Variants in MAB21L4 observed in about 807,000 individuals in gnomAD.
MAB21L4 encodes the protein protein mab-21-like 4.
In MAB21L4, 25 loss-of-function variants were observed where a neutral mutation model predicts 32.4. That is an observed-to-expected ratio of 0.77 (90% CI 0.56 to 1.08). The LOEUF (loss-of-function observed/expected upper bound fraction) is 1.08, where lower values mean the gene tolerates loss of function less well. Among genes scored for constraint, MAB21L4 ranks in the 50% least tolerant of loss-of-function variants. The probability of loss-of-function intolerance (pLI) is 0.00; values close to 1 mark genes in which losing one functional copy is unlikely to be tolerated. For synonymous variants in MAB21L4, 280 were observed against 276.8 expected (o/e 1.01, Z -0.11); for missense variants, 638 against 611.0 (o/e 1.04, Z -0.47).
At chr2:240,896,321 C>T (rs149861226), upstream of MAB21L4, among the ~76,000 whole-genome samples, 184 of 152,336 alleles carry the variant, frequency 1.2e-3, no homozygotes, top group Non-Finnish European at 2.2e-3. Flanking sequence ...AGGCCCAAGG[C>T]ACGGCCCCTG....
In MAB21L4 at chr2:240,887,585, C is replaced by T. The variant is rs576062861; in HGVS notation, c.1252-423G>A. ...AGGAGGCCATCAGCATCTCAACAGG[C>T]GGAAGTTTGCTAAATTAGGATAGGA... is the stretch of plus-strand genomic sequence containing the variant. On this transcript the variant is annotated intron_variant, in intron 4 of 4. Coordinates refer to ENST00000388934, the MANE Select transcript of MAB21L4 (RefSeq NM_001085437.3). Among the ~76,000 whole-genome samples, 92 of 152,342 alleles carry T rather than the reference C, an allele frequency of 6.0e-4. No individual in the cohort carries two copies. In the South Asian group the frequency reaches 0.011, roughly 19 times the overall value.
intron 1 of MAB21L4, 133 bp from the exon 2 acceptor site, chr2:240,891,896 C>T: frequency 1.9e-6 from 3 of 1,575,926 alleles, no homozygotes; most frequent in East Asian, 2.3e-5. Flanking sequence ...TGCTGGCCCC[C>T]ACCTGCAGGC....
intron 1 of MAB21L4, among the ~76,000 whole-genome samples, chr2:240,892,541 C>T (rs1007177000): frequency 3.3e-5 from 5 of 152,158 alleles, no homozygotes; most frequent in African/African-American, 1.2e-4. Flanking sequence ...GCGGCAGCTG[C>T]CAGTAGTGGA....
chr2:240,889,773 G>T (rs1220881884), intron 3 of MAB21L4, among the ~76,000 whole-genome samples: 1 of 152,216 alleles, frequency 6.6e-6, no homozygotes, highest in Admixed American at 6.5e-5. Context: ...ACGGCCTAGG[G>T]ATGGCGAAGG....
At chr2:240,893,374 C>T (rs1219341184) in intron 1 of MAB21L4, among the ~76,000 whole-genome samples, 1 of 152,226 alleles carries the variant, frequency 6.6e-6, no homozygotes, top group African/African-American at 2.4e-5. Context: ...CCCACAGGGG[C>T]CTCAGTTCCC....
intron 4 of MAB21L4, 37 bp from the exon 5 acceptor site, chr2:240,887,199 A>G: frequency 1.3e-6 from 2 of 1,539,622 alleles, no homozygotes; most frequent in Non-Finnish European, 1.8e-6. Context: ...GGTTACAGGG[A>G]CCCCTGGAGC....
At chr2:240,894,507 C>T (rs1373354889) in intron 1 of MAB21L4, among the ~76,000 whole-genome samples, 1 of 152,186 alleles carries the variant, frequency 6.6e-6, no homozygotes, top group Non-Finnish European at 1.5e-5. Context: ...ACCATATCAA[C>T]AAGGCCCCAA....
At chr2:240,893,076 TC>T (rs1430199673) in intron 1 of MAB21L4, among the ~76,000 whole-genome samples, 5 of 152,040 alleles carry the variant, frequency 3.3e-5, no homozygotes, top group Admixed American at 1.3e-4. Flanking sequence ...GCCCCTCCCC[TC>T]CCCAGTACTG....
intron 1 of MAB21L4, among the ~76,000 whole-genome samples, chr2:240,892,513 C>T (rs1360470294): frequency 6.6e-6 from 1 of 152,178 alleles, no homozygotes; most frequent in Non-Finnish European, 1.5e-5. Flanking sequence ...GGCTCAGTTC[C>T]CATGGAGAGA....
Position 240,890,000 on chromosome 2 carries a change from G to A in MAB21L4, c.894+5C>T, listed in dbSNP as rs538553471. ...AGACAACCCGCCGAGTCCCGCCCTG[G>A]GTACCTTCAGGTGGCCAAAGGTCAG... On this transcript the variant is annotated splice_donor_5th_base_variant and intron_variant, in intron 3 of 4. Transcript: ENST00000388934. The A allele has an allele frequency of 1.1e-5, 18 of 1,603,586 alleles. No individual in the cohort carries two copies. The South Asian group carries it at 1.9e-4, about 17-fold the overall frequency.
In MAB21L4 at chr2:240,890,028, C is replaced by T. The variant is rs763299124; in HGVS notation, c.871G>A (p.Gly291Ser). 3 of 1,612,148 alleles carry T rather than the reference C, an allele frequency of 1.9e-6. No individual in the cohort carries two copies. The highest frequency in any genetic ancestry group is 1.1e-5 in the South Asian group (1 of 90,966). Residue 291 changes from glycine (G) to serine (S), a missense_variant, in exon 3 of 5, where the codon GGC (glycine) becomes AGC (serine). Physicochemically the swap from Gly to Ser is moderately conservative, Grantham distance 56. Transcript: ENST00000388934. ...ACCTTCAGGTGGCCAAAGGTCAGGC[C>T]GTCAGTCTGGCCACTGTCACGCCAG... The part of the protein sequence containing the change: ...ESWRDSGQTD[G>S]LTFGHLKMVL...
Position 240,895,465 on chromosome 2 carries a change from G to A in MAB21L4, c.514+19C>T. The A allele has an allele frequency of 6.6e-7, 1 of 1,513,106 alleles. No individual in the cohort carries two copies. The highest frequency in any genetic ancestry group is 2.4e-5 in the East Asian group (1 of 41,636). 93.7% of individuals were successfully genotyped at this position (1,513,106 alleles called of 1,614,324 possible). ...CTCGGTACACGCAGATACGCGTGCA[G>A]AGTGGGCTGTGCCTGTACCTGGTGC... On this transcript the variant is annotated intron_variant, in intron 1 of 4. Transcript: ENST00000388934.
rs1575720872 is a variant in MAB21L4, at chr2:240,888,618, G to C, written c.925C>G (p.Leu309Val). The part of the protein sequence containing the change: ...MVLLWASVLF[L>V]APEDWAELQG... ...AGTTCTGCCCAGTCCTCGGGCGCCA[G>C]GAAGAGCACAGAGGCCCACAGCAGC... Residue 309 changes from leucine (L) to valine (V), a missense_variant, in exon 4 of 5, where the codon CTG (leucine) becomes GTG (valine). By Grantham distance (32) the Leu-to-Val change is conservative (BLOSUM62 1). Transcript: ENST00000388934. The C allele has an allele frequency of 1.3e-6, 2 of 1,591,280 alleles. No homozygotes were observed. Among genetic ancestry groups the C allele is most frequent in the Non-Finnish European group, 8.6e-7 (1 of 1,169,150 alleles).
chr2:240,895,871 G>A lies in MAB21L4; in HGVS notation c.127C>T (p.Leu43=). The A allele has an allele frequency of 6.4e-7, 1 of 1,551,470 alleles. No individual in the cohort carries two copies. Among genetic ancestry groups the A allele is most frequent in the African/African-American group, 1.4e-5 (1 of 73,388 alleles). The change falls in exon 1 of 5, where the codon CTG becomes TTG. Residue 43 remains leucine (L), a synonymous_variant. Coordinates refer to ENST00000388934, the MANE Select transcript of MAB21L4 (RefSeq NM_001085437.3). ...AQDFQRAENV[L]LTVLERVHAL... is the part of the protein sequence containing the mutation. ...TGCACGCGCTCCAGCACCGTGAGCA[G>A]CACGTTCTCTGCGCGCTGGAAGTCC...
intron 1 of MAB21L4, among the ~76,000 whole-genome samples, chr2:240,893,740 A>ACTCTGGGGGCCTGAGGAGCCT (rs1553651790): frequency 1.3e-5 from 2 of 151,582 alleles, no homozygotes; most frequent in Non-Finnish European, 2.9e-5. Flanking sequence ...CTCAGGAGGC[A>ACTCTGGGGGCCTGAGGAGCCT]CTCTGGGGGC....
intron 1 of MAB21L4, 25 bp downstream of exon 1, chr2:240,895,459 C>G: frequency 6.7e-7 from 1 of 1,502,380 alleles, no homozygotes; most frequent in Non-Finnish European, 9.0e-7. Context: ...CGCAGATACG[C>G]GTGCAGAGTG....
chr2:240,886,173 C>CGGAGAAAGAGGAAGAGAGCAAAA lies in MAB21L4; in HGVS notation c.*874_*896dup, dbSNP rs1042001977. The CGGAGAAAGAGGAAGAGAGCAAAA allele has an allele frequency of 1.2e-4, 18 of 152,754 alleles. No homozygotes were observed. Among genetic ancestry groups the CGGAGAAAGAGGAAGAGAGCAAAA allele is most frequent in the African/African-American group, 4.3e-4 (18 of 41,424 alleles). 9.5% of individuals were successfully genotyped at this position (152,754 alleles called of 1,614,324 possible). A position where few individuals can be genotyped will look rare whatever the true frequency, so the allele number is the denominator to read the frequency against. Reference sequence around the variant, plus strand: ...GAGAAGGAGGCATATCTTACATGGCCGGAGAAAGAGGAAGAGAGCAAAAGG... The same window carrying CGGAGAAAGAGGAAGAGAGCAAAA: ...GAGAAGGAGGCATATCTTACATGGCCGGAGAAAGAGGAAGAGAGCAAAAGGAGAAAGAGGAAGAGAGCAAAAGG... On this transcript the variant is annotated 3_prime_UTR_variant, in exon 5 of 5. Coordinates refer to ENST00000388934, the MANE Select transcript of MAB21L4 (RefSeq NM_001085437.3).
At chr2:240,892,152 C>T (rs2059156213) in intron 1 of MAB21L4, 6 of 1,009,010 alleles carry the variant, frequency 5.9e-6, no homozygotes, top group Non-Finnish European at 8.2e-6. Context: ...CACTCTGCCC[C>T]AGCCCTGGGG....
intron 4 of MAB21L4, 81 bp downstream of exon 4, chr2:240,888,211 T>TG: frequency 8.6e-7 from 1 of 1,158,064 alleles, no homozygotes; most frequent in Non-Finnish European, 1.2e-6. Flanking sequence ...TGGGAGAGAA[T>TG]GGGCAGGGAG....
Sources: allele counts gnomAD v4.1 joint callset (sites outside exome capture counted in the v4.1 genomes callset), GRCh38; gene constraint gnomAD v4.1.1; transcripts MANE v1.5; gene names NCBI Gene and HGNC (gene_info 2026-07-23, HGNC 2026-07-21).